Variants in PLEKHA1 observed in about 807,000 individuals in gnomAD.
PLEKHA1 encodes pleckstrin homology domain containing A1, also known as pleckstrin homology domain-containing family A member 1.
In PLEKHA1, 34 loss-of-function variants were observed where a neutral mutation model predicts 52.0. The ratio of observed to expected loss-of-function variants is 0.65; its 90% CI spans 0.50 to 0.87. The LOEUF is 0.87. Ranked by LOEUF, PLEKHA1 falls within the 40% of genes least tolerant of loss-of-function variation. The pLI is 0.00. For synonymous variants in PLEKHA1, 163 were observed against 170.7 expected (o/e 0.95, Z 0.35); for missense variants, 497 against 504.2 (o/e 0.99, Z 0.14).
intron 8 of PLEKHA1, chr10:122,419,603 T>A (rs1156712290): frequency 6.6e-6 from 1 of 152,150 alleles, no homozygotes; most frequent in East Asian, 1.9e-4. Flanking sequence ...TAAAAGAGAA[T>A]AATTAGCAAA....
chr10:122,390,007 TTACTG>T (rs1353938407), intron 1 of PLEKHA1, among the ~76,000 whole-genome samples: 1 of 152,254 alleles, frequency 6.6e-6, no homozygotes, highest in Non-Finnish European at 1.5e-5. Flanking sequence ...CAAAATCTCT[TTACTG>T]TACCCACCTC....
chr10:122,383,795 T>G (rs544306121), intron 1 of PLEKHA1, among the ~76,000 whole-genome samples: 27 of 152,192 alleles, frequency 1.8e-4, no homozygotes, highest in Non-Finnish European at 3.1e-4. Context: ...TTTTGTTTGT[T>G]TTTGTTTTTA....
chr10:122,404,864 C>T (rs568869181), intron 4 of PLEKHA1, among the ~76,000 whole-genome samples: 1 of 152,176 alleles, frequency 6.6e-6, no homozygotes, highest in East Asian at 1.9e-4. Flanking sequence ...ATTTCAAAAT[C>T]TTGTGTGTTT....
chr10:122,434,867 T>C (rs2097432707), downstream of PLEKHA1: 1 of 151,376 alleles, frequency 6.6e-6, no homozygotes, highest in African/African-American at 2.4e-5. Context: ...TGATTTCCAA[T>C]TTCATCCATG....
chr10:122,375,309 C>T (rs1355061247), intron 1 of PLEKHA1, among the ~76,000 whole-genome samples: 1 of 152,176 alleles, frequency 6.6e-6, no homozygotes, highest in African/African-American at 2.4e-5. Flanking sequence ...CCCGGGCATC[C>T]TTTCCTGGTG....
Position 122,393,480 on chromosome 10 carries a change from T to A in PLEKHA1, c.141+139T>A, listed in dbSNP as rs2096803007. ...TTTCTACTGGCTGTCCTCTCTGCCCTGCACCCCTGACCTCTACTGTTTTGT... is the reference window on the plus strand; with the variant it reads ...TTTCTACTGGCTGTCCTCTCTGCCCAGCACCCCTGACCTCTACTGTTTTGT... On this transcript the variant is annotated intron_variant, in intron 2 of 11. Transcript: ENST00000368990. The surrounding 1 kb of genome is among the most constrained non-coding windows in gnomAD (Gnocchi z 4.5). 13 of 746,234 alleles carry A rather than the reference T, an allele frequency of 1.7e-5. No individual in the cohort carries two copies. In the East Asian group the frequency reaches 3.8e-4, roughly 22 times the overall value. 46.2% of individuals were successfully genotyped at this position (746,234 alleles called of 1,614,324 possible). A position where few individuals can be genotyped will look rare whatever the true frequency, so the allele number is the denominator to read the frequency against.
intron 7 of PLEKHA1, chr10:122,416,853 T>C (rs1260902284): frequency 6.5e-6 from 1 of 153,348 alleles, no homozygotes; most frequent in African/African-American, 2.4e-5. Flanking sequence ...TTGGCAACTC[T>C]TAATTTTTTT....
At chr10:122,418,262 C>A (rs1438154172) in intron 8 of PLEKHA1, 1 of 254,404 alleles carries the variant, frequency 3.9e-6, no homozygotes, top group Non-Finnish European at 7.5e-6. Flanking sequence ...GGGGGTTAGC[C>A]CCACGTGGAG....
At chr10:122,428,372 C>G in intron 11 of PLEKHA1, 1 of 1,542,286 alleles carries the variant, frequency 6.5e-7, no homozygotes, top group Non-Finnish European at 8.7e-7. Context: ...CGCAAACGTG[C>G]CTTCTTAGTG....
chr10:122,379,953 A>T (rs1265504162), intron 1 of PLEKHA1, among the ~76,000 whole-genome samples: 2 of 152,220 alleles, frequency 1.3e-5, no homozygotes, highest in Non-Finnish European at 2.9e-5. Context: ...GATTTGTAAG[A>T]TCTAACTATA....
At chr10:122,374,995 T>G (rs922854643) in intron 1 of PLEKHA1, 189 bp downstream of exon 1, 1 of 151,798 alleles carries the variant, frequency 6.6e-6, no homozygotes, top group African/African-American at 2.4e-5. Context: ...TCTGCGCACG[T>G]CCGCGCCACG....
the PLEKHA1 span, chr10:122,442,346 TG>T: frequency 6.6e-6 from 1 of 152,160 alleles, no homozygotes; most frequent in Non-Finnish European, 1.5e-5. Context: ...ATAGCCTTAA[TG>T]TTTTTTTTTC....
At chr10:122,397,997 T>C in intron 3 of PLEKHA1, 23 bp downstream of exon 3, 1 of 1,577,988 alleles carries the variant, frequency 6.3e-7, no homozygotes, top group Non-Finnish European at 8.7e-7. Context: ...CATTGTCTTA[T>C]ACTCGTGTGA....
At chr10:122,415,705 TTAAGAG>T (rs1222993826) in intron 6 of PLEKHA1, among the ~76,000 whole-genome samples, 148 bp from the exon 7 acceptor site, 1 of 152,086 alleles carries the variant, frequency 6.6e-6, no homozygotes, top group Non-Finnish European at 1.5e-5. Context: ...GACAGGAAAA[TTAAGAG>T]TAAGTATCTC....
intron 1 of PLEKHA1, among the ~76,000 whole-genome samples, chr10:122,375,696 C>T (rs2096523991): frequency 6.6e-6 from 1 of 152,150 alleles, no homozygotes; most frequent in South Asian, 2.1e-4. Flanking sequence ...AGAGCATCTA[C>T]CGTGGTCTGG....
chr10:122,404,507 A>AG (rs1356397645), intron 4 of PLEKHA1, among the ~76,000 whole-genome samples: 8 of 152,210 alleles, frequency 5.3e-5, no homozygotes, highest in African/African-American at 1.9e-4. Flanking sequence ...AATAACATTG[A>AG]GGGGAAGAAG....
At chr10:122,425,829 C>G (rs138811749) in intron 10 of PLEKHA1, 2 of 151,714 alleles carry the variant, frequency 1.3e-5, no homozygotes, top group African/African-American at 4.8e-5. Flanking sequence ...AAAAATGTGG[C>G]TTATAAAACA....
chr10:122,426,944 T>C lies in PLEKHA1; in HGVS notation c.813T>C (p.Ala271=). The C allele has an allele frequency of 6.2e-7, 1 of 1,613,180 alleles. No homozygotes were observed. Among genetic ancestry groups the C allele is most frequent in the Non-Finnish European group, 8.5e-7 (1 of 1,179,248 alleles). The change falls in exon 11 of 12, where the codon GCT becomes GCC. Residue 271 remains alanine, a splice_region_variant and synonymous_variant. Transcript: ENST00000368990. ...VTTSRTFYVQ[A]DSPEEMHSWI... Reference sequence around the variant, plus strand: ...GAATGAGTTCTTTTTTCCTTTAGGCTGATAGCCCTGAAGAGATGCACAGTT... The same window carrying C: ...GAATGAGTTCTTTTTTCCTTTAGGCCGATAGCCCTGAAGAGATGCACAGTT...
At chr10:122,395,154 G>A (rs1183901042) in intron 2 of PLEKHA1, among the ~76,000 whole-genome samples, 3 of 152,172 alleles carry the variant, frequency 2.0e-5, no homozygotes, top group Non-Finnish European at 4.4e-5. Flanking sequence ...AGCCTATGGC[G>A]TGTTTGGAGA....
Sources: gnomAD v4.1 joint callset for allele counts (sites outside exome capture counted in the v4.1 genomes callset) on GRCh38, gnomAD v4.1.1 for gene constraint, Gnocchi (gnomAD v3.1) non-coding constraint, MANE v1.5 for transcripts, NCBI Gene and HGNC (gene_info 2026-07-23, HGNC 2026-07-21) for gene names.